The following GPD1L variants were observed in gnomAD, a reference collection of about 807,000 sequenced individuals.
The protein encoded by GPD1L is glycerol-3-phosphate dehydrogenase 1 like.
GPD1L carries 17 observed loss-of-function variants against 32.9 expected under a neutral mutation model. That is an observed-to-expected ratio of 0.52 (90% CI 0.35 to 0.78). GPD1L has a LOEUF of 0.78. Among genes scored for constraint, GPD1L ranks in the 30% least tolerant of loss-of-function variants. The pLI is 0.01. For missense variants in GPD1L, 361 were observed against 447.8 expected, an observed-to-expected ratio of 0.81 and a Z score of 1.75; for synonymous variants, 187 against 165.9, an observed-to-expected ratio of 1.13 and a Z score of -0.98.
At position 32,139,274 on chromosome 3, in the gene GPD1L, T is replaced by A. The variant is rs542638679; in HGVS notation, c.366+547T>A. On this transcript the variant is annotated intron_variant, in intron 3 of 7. Transcript: ENST00000282541. ...TTCAGTAATAGCAGTATTAGCAGGATCTGAGACCTTGTCAATAGGAGTCGC... is the reference window on the plus strand; with the variant it reads ...TTCAGTAATAGCAGTATTAGCAGGAACTGAGACCTTGTCAATAGGAGTCGC... Among the ~76,000 whole-genome samples, 8 of 152,334 alleles carry A rather than the reference T, an allele frequency of 5.3e-5. No individual in the cohort carries two copies. The South Asian group carries it at 1.7e-3, about 32-fold the overall frequency.
At chr3:32,135,461 TG>T (rs1288078355) in intron 2 of GPD1L, among the ~76,000 whole-genome samples, 1 of 149,832 alleles carries the variant, frequency 6.7e-6, no homozygotes, top group Admixed American at 6.7e-5. Flanking sequence ...TGTTTTGTTT[TG>T]TTTTTTTTGA....
Position 32,138,798 on chromosome 3 carries a change from C to T in GPD1L, c.366+71C>T. 2.0e-6 allele frequency: 3 copies of T among 1,491,796 alleles called. No homozygotes were observed. In the South Asian group the frequency reaches 3.4e-5, roughly 17 times the overall value. The allele number at this position is 1,491,796 out of a possible 1,614,324, so 92.4% of individuals were successfully genotyped here. A position where few individuals can be genotyped will look rare whatever the true frequency, so the allele number is the denominator to read the frequency against. On this transcript the variant is annotated intron_variant, in intron 3 of 7. Coordinates refer to ENST00000282541, the MANE Select transcript of GPD1L (RefSeq NM_015141.4). ...AAATTTCATTTCCTCACACTTTCAT[C>T]TGCTTGAGATTTGGAGCTGAAGGGG...
intron 2 of GPD1L, among the ~76,000 whole-genome samples, chr3:32,137,355 G>T (rs1289365023): frequency 1.3e-5 from 2 of 152,210 alleles, no homozygotes; most frequent in Admixed American, 1.3e-4. Context: ...TGGTGGCAGA[G>T]ACTTGTTTGA....
At chr3:32,115,637 A>G (rs1051133059) in intron 1 of GPD1L, among the ~76,000 whole-genome samples, 1 of 152,144 alleles carries the variant, frequency 6.6e-6, no homozygotes, top group Non-Finnish European at 1.5e-5. Flanking sequence ...CTCTAACCTA[A>G]TAGCCCTAAC....
chr3:32,141,203 G>A (rs1233735754), intron 4 of GPD1L, among the ~76,000 whole-genome samples: 8 of 152,154 alleles, frequency 5.3e-5, no homozygotes, highest in Non-Finnish European at 8.8e-5. Context: ...AGATGAATGC[G>A]CAGGAAAATG....
intron 7 of GPD1L, among the ~76,000 whole-genome samples, chr3:32,161,341 AAGG>A (rs1296977044): frequency 6.6e-6 from 1 of 152,216 alleles, no homozygotes; most frequent in Non-Finnish European, 1.5e-5. Context: ...CAGGCTGCCA[AAGG>A]AGGAGAACTA....
chr3:32,111,322 AG>A (rs1700242888), intron 1 of GPD1L, among the ~76,000 whole-genome samples: 1 of 152,208 alleles, frequency 6.6e-6, no homozygotes, highest in Non-Finnish European at 1.5e-5. Flanking sequence ...CTTTGGAGGC[AG>A]GGTAGTGCAG....
rs149423659 is a variant in GPD1L, at chr3:32,165,850, C to A, written c.996C>A (p.Tyr332Ter). 6.2e-7 allele frequency: 1 copy of A among 1,608,476 alleles called. No homozygotes were observed. Among genetic ancestry groups the A allele is most frequent in the Non-Finnish European group, 8.5e-7 (1 of 1,174,854 alleles). Reference sequence around the variant, plus strand: ...TTACTGCAGTGTATCAGATCTGCTACGAAAGCAGACCAGTTCAAGAGATGT... The same window carrying A: ...TTACTGCAGTGTATCAGATCTGCTAAGAAAGCAGACCAGTTCAAGAGATGT... Reference protein sequence around the residue: ...PLFTAVYQICYESRPVQEMLS... With the variant: ...PLFTAVYQIC Residue 332 changes from tyrosine to a stop codon, truncating the protein, a stop_gained, in exon 8 of 8, where the codon TAC (tyrosine) becomes TAA (stop). Coordinates refer to ENST00000282541, the MANE Select transcript of GPD1L (RefSeq NM_015141.4). LOFTEE classifies it high-confidence loss of function.
intron 1 of GPD1L, among the ~76,000 whole-genome samples, chr3:32,120,467 T>A (rs1700396369): frequency 6.6e-6 from 1 of 152,212 alleles, no homozygotes; most frequent in Admixed American, 6.5e-5. Context: ...TAATGCATAG[T>A]TACAATGATC....
intron 1 of GPD1L, among the ~76,000 whole-genome samples, chr3:32,121,457 C>A (rs112942542): frequency 0.15 from 5,596 of 36,824 alleles, 834 homozygotes; most frequent in African/African-American, 0.27. Flanking sequence ...ATATTTCTCT[C>A]TATATATATT....
intron 1 of GPD1L, among the ~76,000 whole-genome samples, chr3:32,108,038 C>T (rs1385652146): frequency 2.6e-5 from 4 of 152,120 alleles, no homozygotes; most frequent in Admixed American, 2.6e-4. Flanking sequence ...TGTGAGCCAC[C>T]GCTCCCTGCC....
intron 1 of GPD1L, among the ~76,000 whole-genome samples, chr3:32,116,815 G>C (rs768375642): frequency 2.0e-5 from 3 of 152,124 alleles, no homozygotes; most frequent in Non-Finnish European, 4.4e-5. Flanking sequence ...GGACTATCCC[G>C]GTTAACCCCT....
intron 1 of GPD1L, among the ~76,000 whole-genome samples, chr3:32,107,163 C>T (rs927205566): frequency 6.6e-6 from 1 of 152,134 alleles, no homozygotes; most frequent in Non-Finnish European, 1.5e-5. Context: ...ACTGCAGTTT[C>T]GGTGTTGAGG....
chr3:32,139,784 C>T (rs183023815), intron 3 of GPD1L, among the ~76,000 whole-genome samples: 16 of 152,302 alleles, frequency 1.1e-4, no homozygotes, highest in African/African-American at 3.8e-4. Context: ...ATCTCTAAAA[C>T]GGTATTGTAG....
Position 32,128,250 on chromosome 3 carries a change from T to C in GPD1L, c.222T>C (p.Asn74=). ...TTCCTGGACACAAGCTGCCAGAAAA[T>C]GTGGTAAGACTTTGGGGTGAAATGT... ...KYLPGHKLPE[N]VVAMSNLSEA... is the part of the protein sequence containing the mutation. Residue 74 remains asparagine (N), a synonymous_variant, in exon 2 of 8, where the codon AAT becomes AAC. Coordinates refer to ENST00000282541, the MANE Select transcript of GPD1L (RefSeq NM_015141.4). 1.9e-6 allele frequency: 3 copies of C among 1,612,772 alleles called. No homozygotes were observed. The highest frequency in any genetic ancestry group is 2.5e-6 in the Non-Finnish European group (3 of 1,178,930).
chr3:32,124,662 A>G (rs1217091858), intron 1 of GPD1L, among the ~76,000 whole-genome samples: 2 of 152,182 alleles, frequency 1.3e-5, no homozygotes, highest in African/African-American at 2.4e-5. Flanking sequence ...GCAGTGGCTC[A>G]TGCCTGTAAT....
intron 5 of GPD1L, among the ~76,000 whole-genome samples, chr3:32,148,621 C>G (rs1004402660): frequency 5.3e-5 from 8 of 152,182 alleles, no homozygotes; most frequent in African/African-American, 1.9e-4. Flanking sequence ...ATCCAAAGAG[C>G]AAATGACTTT....
At position 32,166,115 on chromosome 3, in the gene GPD1L, T is replaced by A. The variant is rs1476703313; in HGVS notation, c.*205T>A. 2 of 602,482 alleles carry A rather than the reference T, an allele frequency of 3.3e-6. No homozygotes were observed. Among genetic ancestry groups the A allele is most frequent in the Non-Finnish European group, 3.0e-6 (1 of 334,154 alleles). 37.3% of individuals were successfully genotyped at this position (602,482 alleles called of 1,614,324 possible). ...CAGTAACTAAACACACATGCAAACA[T>A]GTGAATGGTGGTTTATTCCTCATTC... On this transcript the variant is annotated 3_prime_UTR_variant, in exon 8 of 8. Transcript: ENST00000282541.
chr3:32,148,474 A>G (rs932443548), intron 5 of GPD1L, among the ~76,000 whole-genome samples: 1 of 152,214 alleles, frequency 6.6e-6, no homozygotes, highest in Non-Finnish European at 1.5e-5. Flanking sequence ...AACTTCCCAC[A>G]CAATCTTTTA....
Sources: gnomAD v4.1 joint callset for allele counts (sites outside exome capture counted in the v4.1 genomes callset) on GRCh38, gnomAD v4.1.1 for gene constraint, MANE v1.5 for transcripts, NCBI Gene and HGNC (gene_info 2026-07-23, HGNC 2026-07-21) for gene names.